ARHGAP40: variants seen among roughly 807,000 people sequenced by gnomAD.
The protein encoded by ARHGAP40 is Rho GTPase activating protein 40, also known as rho GTPase-activating protein 40.
Under a neutral mutation model 73.5 loss-of-function variants are expected in ARHGAP40, and 43 were observed. The observed-to-expected ratio is 0.58, with a 90% CI of 0.46 to 0.75. The LOEUF is 0.75. ARHGAP40 is among the 30% of genes least tolerant of loss of function. The pLI is 0.00. For missense variants in ARHGAP40, 734 were observed against 861.8 expected, an observed-to-expected ratio of 0.85 and a Z score of 1.86; for synonymous variants, 300 against 352.8, an observed-to-expected ratio of 0.85 and a Z score of 1.68.
At chr20:38,604,397 G>GTTT (rs5841299) in intron 1 of ARHGAP40, among the ~76,000 whole-genome samples, 3 of 138,642 alleles carry the variant, frequency 2.2e-5, no homozygotes, top group Non-Finnish European at 4.7e-5. Flanking sequence ...GAACAGTGGT[G>GTTT]TTTTTTTTTT....
At chr20:38,618,810 C>T (rs180889931) in intron 1 of ARHGAP40, among the ~76,000 whole-genome samples, 139 of 152,238 alleles carry the variant, frequency 9.1e-4, no homozygotes, top group Non-Finnish European at 1.6e-3. Context: ...GTCACTATGA[C>T]CAGACAGAGA....
intron 1 of ARHGAP40, among the ~76,000 whole-genome samples, chr20:38,613,836 G>T (rs2088817871): frequency 6.6e-6 from 1 of 152,214 alleles, no homozygotes; most frequent in Non-Finnish European, 1.5e-5. Context: ...ATAACCCACA[G>T]ATCGGCTCTA....
intron 1 of ARHGAP40, among the ~76,000 whole-genome samples, chr20:38,616,844 A>T (rs1341752806): frequency 6.6e-6 from 1 of 152,238 alleles, no homozygotes; most frequent in African/African-American, 2.4e-5. Context: ...GAGGGCAGGG[A>T]TGCTGCTAAC....
chr20:38,616,266 C>A (rs1236242332), intron 1 of ARHGAP40, among the ~76,000 whole-genome samples: 1 of 152,238 alleles, frequency 6.6e-6, no homozygotes, highest in Non-Finnish European at 1.5e-5. Flanking sequence ...CACTGCCCAA[C>A]AGCGGCTGTT....
Position 38,604,268 on chromosome 20 carries a change from A to G in ARHGAP40, c.137+2189A>G, listed in dbSNP as rs1477149975. Among the ~76,000 whole-genome samples the G allele has an allele frequency of 2.0e-5, 3 of 152,202 alleles. 1 individual carries two copies. Among genetic ancestry groups the G allele is most frequent in the Middle Eastern group, 6.3e-3 (2 of 316 alleles). On this transcript the variant is annotated intron_variant, in intron 1 of 14. Coordinates refer to ENST00000373345, the Ensembl canonical transcript of ARHGAP40. ...CACTATAAGAGCTCGTGACCCATTG[A>G]ATGTGCTTAATAGCTACTGGTTGAA...
chr20:38,645,565 T>C (rs2089046295), intron 11 of ARHGAP40, among the ~76,000 whole-genome samples: 1 of 152,030 alleles, frequency 6.6e-6, no homozygotes, highest in Non-Finnish European at 1.5e-5. Flanking sequence ...GACAGAAACA[T>C]GTTATTAGCA....
intron 5 of ARHGAP40, among the ~76,000 whole-genome samples, chr20:38,632,531 G>A (rs1337465133): frequency 1.3e-5 from 2 of 152,026 alleles, no homozygotes; most frequent in Admixed American, 1.3e-4. Flanking sequence ...AAAGTGCTGG[G>A]ATTACAGGCG....
chr20:38,610,775 G>T (rs113793428), intron 1 of ARHGAP40, among the ~76,000 whole-genome samples: 2 of 152,100 alleles, frequency 1.3e-5, no homozygotes, highest in Non-Finnish European at 2.9e-5. Flanking sequence ...AGAGTTGCTC[G>T]TAGGGGTGTG....
intron 1 of ARHGAP40, among the ~76,000 whole-genome samples, chr20:38,623,079 C>T (rs764482460): frequency 1.2e-4 from 18 of 152,164 alleles, no homozygotes; most frequent in Non-Finnish European, 2.1e-4. Context: ...CTGCCTTTAC[C>T]GTAGGTATGT....
chr20:38,639,144 G>A (rs2088996809), intron 8 of ARHGAP40, 83 bp from the exon 9 acceptor site: 2 of 1,264,150 alleles, frequency 1.6e-6, no homozygotes, highest in South Asian at 1.3e-5. Context: ...TGCAGATGAG[G>A]AAACCAAGCC....
At chr20:38,619,070 G>T (rs963209582) in intron 1 of ARHGAP40, among the ~76,000 whole-genome samples, 1 of 152,194 alleles carries the variant, frequency 6.6e-6, no homozygotes, top group Non-Finnish European at 1.5e-5. Flanking sequence ...AGAAGCAGAT[G>T]GCAGAGACGT....
chr20:38,647,482 C>A (rs1308615579), intron 13 of ARHGAP40, among the ~76,000 whole-genome samples: 1 of 152,142 alleles, frequency 6.6e-6, no homozygotes, highest in Non-Finnish European at 1.5e-5. Flanking sequence ...CCTCCTTCTC[C>A]CAGGTTCAAG....
chr20:38,648,525 G>A, intron 13 of ARHGAP40, 118 bp from the exon 14 acceptor site: 1 of 819,734 alleles, frequency 1.2e-6, no homozygotes, highest in South Asian at 1.7e-5. Context: ...TCCCCAGCAG[G>A]ACCAAAAATC....
At chr20:38,643,675 T>C (rs1472714441) in intron 10 of ARHGAP40, 29 bp from the exon 11 acceptor site, 2 of 1,301,776 alleles carry the variant, frequency 1.5e-6, no homozygotes, top group Non-Finnish European at 2.0e-6. Flanking sequence ...TGGGCTGAGA[T>C]TTGAGGGAGG....
chr20:38,611,971 G>A (rs1440276860), intron 1 of ARHGAP40, among the ~76,000 whole-genome samples: 1 of 151,686 alleles, frequency 6.6e-6, no homozygotes, highest in African/African-American at 2.4e-5. Flanking sequence ...TGATCCTCCT[G>A]CCTCAGCCTC....
Position 38,627,594 on chromosome 20 carries a change from GGTGTGCGTTGGTGT to G in ARHGAP40, c.558+385_558+398del, listed in dbSNP as rs1191630773. Among the ~76,000 whole-genome samples, 142 of 127,228 alleles carry G rather than the reference GGTGTGCGTTGGTGT, an allele frequency of 1.1e-3. 1 individual carries two copies. In the East Asian group the frequency reaches 0.021, roughly 19 times the overall value. The allele number at this position is 127,228 out of a possible 152,430, so 83.5% of individuals were successfully genotyped here. ...TGAGTGTGTGTGTTGTGTGTGTTGGGGTGTGCGTTGGTGTGTGTGTGTTGGTGTGTGTGTGTTGG... is the reference window on the plus strand; with the variant it reads ...TGAGTGTGTGTGTTGTGTGTGTTGGGGTGTGTGTTGGTGTGTGTGTGTTGG... On this transcript the variant is annotated intron_variant, in intron 3 of 14. Transcript: ENST00000373345.
At chr20:38,638,691 A>G (rs2145611192) in intron 7 of ARHGAP40, 70 bp from the exon 8 acceptor site, 1 of 1,168,474 alleles carries the variant, frequency 8.6e-7, no homozygotes, top group Non-Finnish European at 1.2e-6. Context: ...TTCATGGGAG[A>G]CAAACACACC....
intron 1 of ARHGAP40, among the ~76,000 whole-genome samples, chr20:38,614,162 C>G (rs2088820411): frequency 6.6e-6 from 1 of 152,146 alleles, no homozygotes; most frequent in African/African-American, 2.4e-5. Flanking sequence ...ACGTAGTCAT[C>G]ATGTACTAAG....
rs756684417 is a variant in ARHGAP40 at position 38,608,023 on chromosome 20, G to A, written c.137+5944G>A. On this transcript the variant is annotated intron_variant, in intron 1 of 14. Transcript: ENST00000373345. Reference sequence around the variant, plus strand: ...CATTTGTTGCAGATATTTCCTCTCAGTTGAGGAAAAAGGTCCTATGACATT... The same window carrying A: ...CATTTGTTGCAGATATTTCCTCTCAATTGAGGAAAAAGGTCCTATGACATT... 2.6e-5 allele frequency among the ~76,000 whole-genome samples: 4 copies of A among 152,058 alleles called. 1 individual carries two copies. Among genetic ancestry groups the A allele is most frequent in the South Asian group, 4.2e-4 (2 of 4,818 alleles).
Sources: gnomAD v4.1 joint callset for allele counts (sites outside exome capture counted in the v4.1 genomes callset) on GRCh38, gnomAD v4.1.1 for gene constraint, MANE v1.5 for transcripts, NCBI Gene and HGNC (gene_info 2026-07-23, HGNC 2026-07-21) for gene names.